Variants in SYNGR1 observed in about 807,000 individuals in gnomAD.
SYNGR1 encodes synaptogyrin-1.
A neutral mutation model predicts 26.1 loss-of-function variants in SYNGR1; 14 were observed. That is an observed-to-expected ratio of 0.54 (90% CI 0.35 to 0.84). SYNGR1 has a LOEUF of 0.84. Among genes scored for constraint, SYNGR1 ranks in the 40% least tolerant of loss-of-function variants. SYNGR1 has a pLI of 0.01. For synonymous variants in SYNGR1, 141 were observed against 150.1 expected (o/e 0.94, Z 0.44); for missense variants, 319 against 332.9 (o/e 0.96, Z 0.33).
Position 39,363,987 on chromosome 22 carries a change from C to T in SYNGR1, c.100-10329C>T, listed in dbSNP as rs188349922. ...GAGGCCTCTAGGAGGTTCCTGGCAG[C>T]GTTACAGTGATCTCAGCCACCCCCA... On this transcript the variant is annotated intron_variant, in intron 1 of 3. Transcript: ENST00000328933. Among the ~76,000 whole-genome samples, 178 of 152,282 alleles carry T rather than the reference C, an allele frequency of 1.2e-3. 1 individual carries two copies. The highest frequency in any genetic ancestry group is 4.0e-3 in the African/African-American group (166 of 41,548).
chr22:39,358,446 A>G (rs1420063598), intron 1 of SYNGR1, among the ~76,000 whole-genome samples: 1 of 152,188 alleles, frequency 6.6e-6, no homozygotes, highest in East Asian at 1.9e-4. Flanking sequence ...AAATTTTGCT[A>G]CTGCTCACTC....
intron 3 of SYNGR1, among the ~76,000 whole-genome samples, chr22:39,380,392 C>T (rs986843752): frequency 2.9e-4 from 44 of 152,232 alleles, no homozygotes; most frequent in East Asian, 7.7e-4. Context: ...CAGAGGTCTT[C>T]GGTGACCCAG....
chr22:39,360,283 T>C (rs1924409598), intron 1 of SYNGR1, among the ~76,000 whole-genome samples: 1 of 152,174 alleles, frequency 6.6e-6, no homozygotes, highest in Non-Finnish European at 1.5e-5. Context: ...CTCTTCTGCG[T>C]CAGCTTGCAA....
At chr22:39,374,042 C>G (rs1925151579) in intron 1 of SYNGR1, among the ~76,000 whole-genome samples, 1 of 152,162 alleles carries the variant, frequency 6.6e-6, no homozygotes, top group Admixed American at 6.5e-5. Flanking sequence ...CCTTTAGGAC[C>G]TGGCTGAGGG....
intron 3 of SYNGR1, chr22:39,378,340 G>A: frequency 4.1e-6 from 4 of 975,646 alleles, no homozygotes; most frequent in Non-Finnish European, 4.9e-6. Flanking sequence ...CCAGGGCTTA[G>A]CACAAGCATG....
intron 1 of SYNGR1, among the ~76,000 whole-genome samples, chr22:39,363,292 G>A (rs538556155): frequency 6.6e-6 from 1 of 151,694 alleles, no homozygotes; most frequent in South Asian, 2.1e-4. Flanking sequence ...GACCTGGGGG[G>A]TGACATGACC....
intron 1 of SYNGR1, among the ~76,000 whole-genome samples, chr22:39,373,063 G>A (rs76770578): frequency 1.8e-3 from 269 of 152,162 alleles, no homozygotes; most frequent in African/African-American, 6.3e-3. Context: ...GAGATAGCAT[G>A]TGTAATATAC....
chr22:39,381,595 G>A, intron 3 of SYNGR1, 101 bp from the exon 4 acceptor site: 1 of 1,203,738 alleles, frequency 8.3e-7, no homozygotes, highest in Non-Finnish European at 1.2e-6. Context: ...TCTCCTGCCT[G>A]TGTCCTGTGA....
At position 39,350,149 on chromosome 22, in the gene SYNGR1, G is replaced by A; in HGVS notation, c.99+40G>A. The A allele has an allele frequency of 1.5e-6, 2 of 1,350,350 alleles. No homozygotes were observed. The highest frequency in any genetic ancestry group is 9.7e-7 in the Non-Finnish European group (1 of 1,027,956). The allele number at this position is 1,350,350 out of a possible 1,614,324, so 83.6% of individuals were successfully genotyped here. A position where few individuals can be genotyped will look rare whatever the true frequency, so the allele number is the denominator to read the frequency against. On this transcript the variant is annotated intron_variant, in intron 1 of 3. Transcript: ENST00000328933. The surrounding 1 kb of genome is among the most constrained non-coding windows in gnomAD (Gnocchi z 4.3). The stretch of plus-strand genomic sequence containing the variant: ...GCCGACGGCTCTGCCAGGCCGGGGT[G>A]GTGGGGGTGTGAGCAAAGGCGGCGC...
chr22:39,358,423 T>A (rs1924281641), intron 1 of SYNGR1, among the ~76,000 whole-genome samples: 1 of 152,210 alleles, frequency 6.6e-6, no homozygotes, highest in Non-Finnish European at 1.5e-5. Flanking sequence ...TTTGTTCGTC[T>A]GCTCGTTGCG....
intron 1 of SYNGR1, among the ~76,000 whole-genome samples, chr22:39,372,123 C>CTTTTT (rs71197177): frequency 1.3e-3 from 92 of 70,218 alleles, no homozygotes; most frequent in African/African-American, 2.2e-3. Context: ...TAGATCCATT[C>CTTTTT]TTTTTTTTTT....
intron 1 of SYNGR1, among the ~76,000 whole-genome samples, chr22:39,359,457 TA>T (rs34838867): frequency 0.6 from 86,692 of 144,080 alleles, 27,975 homozygotes; most frequent in East Asian, 0.98. Context: ...CCGTCTCTAC[TA>T]AAAAAAAAAA....
rs747309966 is a variant in SYNGR1, at chr22:39,374,381, G to A, written c.165G>A (p.Gly55=). The change falls in exon 2 of 4, where the codon GGG becomes GGA. Residue 55 remains glycine (G), a synonymous_variant. Transcript: ENST00000328933. ...NEGYLNSASE[G]EEFCIYNRNP... ...GCTACCTCAACAGCGCCTCCGAGGG[G>A]GAGGAGTTCTGCATCTACAACCGCA... 185 of 1,613,962 alleles carry A rather than the reference G, an allele frequency of 1.1e-4. No homozygotes were observed. The highest frequency in any genetic ancestry group is 8.8e-4 in the Admixed American group (53 of 60,006).
chr22:39,361,844 C>T (rs1924487005), intron 1 of SYNGR1, among the ~76,000 whole-genome samples: 1 of 152,068 alleles, frequency 6.6e-6, no homozygotes, highest in African/African-American at 2.4e-5. Flanking sequence ...CTCCCCTCTC[C>T]CACCTCTTCC....
Position 39,350,668 on chromosome 22 carries a change from CCTT to C in SYNGR1, c.99+562_99+564del. ...TCTCTTCCACCCGGGAACTGCCTCT[CCTT>C]CTCTGCGTGACCTTGGGCTGGGAGC... is the stretch of plus-strand genomic sequence containing the variant. On this transcript the variant is annotated intron_variant, in intron 1 of 3. Coordinates refer to ENST00000328933, the MANE Select transcript of SYNGR1 (RefSeq NM_004711.5). This position sits in a 1 kb window ranked among gnomAD's most constrained non-coding sequence, Gnocchi z 4.3. Among the ~76,000 whole-genome samples the C allele has an allele frequency of 6.6e-6, 1 of 152,188 alleles. No individual in the cohort carries two copies. The highest frequency in any genetic ancestry group is 1.5e-5 in the Non-Finnish European group (1 of 68,016).
intron 1 of SYNGR1, among the ~76,000 whole-genome samples, chr22:39,371,655 C>T (rs117841264): frequency 0.011 from 1,615 of 151,858 alleles, 64 homozygotes; most frequent in Admixed American, 0.072. Context: ...AACCAGGTAT[C>T]GTGGCAAACG....
At position 39,368,097 on chromosome 22, in the gene SYNGR1, T is replaced by C. The variant is rs372027249; in HGVS notation, c.100-6219T>C. 3.8e-3 allele frequency among the ~76,000 whole-genome samples: 586 copies of C among 152,334 alleles called. 2 individuals carry two copies. The highest frequency in any genetic ancestry group is 6.6e-3 in the Non-Finnish European group (448 of 68,028). ...TTCCCTGGCCATCACTGCTCCCTCCTGGCGTTTGCCAGGGACCGCCATTGC... is the reference window on the plus strand; with the variant it reads ...TTCCCTGGCCATCACTGCTCCCTCCCGGCGTTTGCCAGGGACCGCCATTGC... On this transcript the variant is annotated intron_variant, in intron 1 of 3. Coordinates refer to ENST00000328933, the MANE Select transcript of SYNGR1 (RefSeq NM_004711.5).
Position 39,382,291 on chromosome 22 carries a change from T to G in SYNGR1, c.*377T>G, listed in dbSNP as rs565804843. ...TGAGCTGTGGAGGAAGCCCTGGTGG[T>G]ACCAGAGGCCAGAATGGTGGGAAAG... On this transcript the variant is annotated 3_prime_UTR_variant, in exon 4 of 4. Transcript: ENST00000328933. 1 of 350,078 alleles carries G rather than the reference T, an allele frequency of 2.9e-6. No individual in the cohort carries two copies. The highest frequency in any genetic ancestry group is 5.5e-6 in the Non-Finnish European group (1 of 182,814). 21.7% of individuals were successfully genotyped at this position (350,078 alleles called of 1,614,324 possible). A position where few individuals can be genotyped will look rare whatever the true frequency, so the allele number is the denominator to read the frequency against.
At chr22:39,362,149 A>G (rs749615764) in intron 1 of SYNGR1, among the ~76,000 whole-genome samples, 1 of 151,826 alleles carries the variant, frequency 6.6e-6, no homozygotes, top group Non-Finnish European at 1.5e-5. Flanking sequence ...TGCCCGGCCA[A>G]TTTCCCCCTT....
Sources: gnomAD v4.1 joint callset for allele counts (sites outside exome capture counted in the v4.1 genomes callset) on GRCh38, gnomAD v4.1.1 for gene constraint, Gnocchi (gnomAD v3.1) non-coding constraint, MANE v1.5 for transcripts, NCBI Gene and HGNC (gene_info 2026-07-23, HGNC 2026-07-21) for gene names.